Variants in SYTL5 observed in about 807,000 individuals in gnomAD.
SYTL5 encodes the protein synaptotagmin like 5.
In SYTL5, 34 loss-of-function variants were observed where a neutral mutation model predicts 55.9. That is an observed-to-expected ratio of 0.61 (90% CI 0.46 to 0.81). The LOEUF is 0.81. Among genes scored for constraint, SYTL5 ranks in the 30% least tolerant of loss-of-function variants. SYTL5 has a pLI of 0.00. For missense variants in SYTL5, 637 were observed against 546.7 expected (o/e 1.17, Z -1.65); for synonymous variants, 221 against 188.7 (o/e 1.17, Z -1.40).
chrX:38,062,525 T>C (rs1935982772), intron 3 of SYTL5, among the ~76,000 whole-genome samples: 1 of 111,625 alleles, frequency 9.0e-6, no homozygotes, highest in African/African-American at 3.3e-5. Flanking sequence ...GGATGGAACA[T>C]ACACAGAGTG....
At chrX:38,010,534 A>C (rs1235897879) in intron 1 of SYTL5, among the ~76,000 whole-genome samples, 2 of 112,432 alleles carry the variant, frequency 1.8e-5, no homozygotes, top group African/African-American at 6.5e-5. Flanking sequence ...TCTTTTTGTT[A>C]AAGAAGAACA....
chrX:38,026,776 AG>A (rs751615174), intron 1 of SYTL5, among the ~76,000 whole-genome samples: 1 of 111,565 alleles, frequency 9.0e-6, no homozygotes, highest in East Asian at 2.8e-4. Context: ...TCTTCACTGC[AG>A]TTTTATCAAC....
intron 5 of SYTL5, among the ~76,000 whole-genome samples, chrX:38,074,313 A>G (rs979981852): frequency 8.9e-6 from 1 of 112,101 alleles, no homozygotes; most frequent in African/African-American, 3.2e-5. Context: ...GACCAAAAGG[A>G]AACTGCATTT....
chrX:37,920,514 C>T, the SYTL5 span, among the ~76,000 whole-genome samples: 2 of 110,622 alleles, frequency 1.8e-5, no homozygotes, highest in Admixed American at 9.7e-5. Flanking sequence ...TTTTCTGTAC[C>T]CTTTGCCATG....
At chrX:38,041,064 A>C (rs1935271951) in intron 2 of SYTL5, among the ~76,000 whole-genome samples, 1 of 111,526 alleles carries the variant, frequency 9.0e-6, no homozygotes, top group Non-Finnish European at 1.9e-5. Flanking sequence ...GAGACCACAG[A>C]CCCCAGCCTA....
chrX:37,981,249 G>A, the SYTL5 span, among the ~76,000 whole-genome samples: 12 of 112,086 alleles, frequency 1.1e-4, no homozygotes, highest in Non-Finnish European at 2.1e-4. Context: ...TGCTTTGCTG[G>A]AGAGGAGCTT....
the SYTL5 span, among the ~76,000 whole-genome samples, chrX:37,980,598 C>G: frequency 8.9e-6 from 1 of 112,156 alleles, no homozygotes; most frequent in East Asian, 2.8e-4. Context: ...CTATTCTTCT[C>G]CCCTTCAAAC....
the SYTL5 span, among the ~76,000 whole-genome samples, chrX:37,896,208 T>G: frequency 3.6e-5 from 4 of 112,578 alleles, no homozygotes; most frequent in African/African-American, 1.3e-4. Flanking sequence ...AAACTGATTC[T>G]TCTACACAAA....
chrX:38,047,074 T>C (rs1935484970), intron 2 of SYTL5, among the ~76,000 whole-genome samples: 1 of 112,181 alleles, frequency 8.9e-6, no homozygotes, highest in Non-Finnish European at 1.9e-5. Flanking sequence ...CGGGCTGATG[T>C]TGAGTGTCTG....
the SYTL5 span, among the ~76,000 whole-genome samples, chrX:37,940,412 C>T: frequency 9.6e-6 from 1 of 104,247 alleles, no homozygotes; most frequent in Non-Finnish European, 2.0e-5. Flanking sequence ...CCATGGGAGA[C>T]GGAACTTGCA....
At chrX:38,006,229 G>T (rs760812615), upstream of SYTL5, among the ~76,000 whole-genome samples, 4 of 111,767 alleles carry the variant, frequency 3.6e-5, no homozygotes, top group Admixed American at 1.9e-4. Flanking sequence ...TTACAACAGT[G>T]CCTGGCACAT....
At chrX:38,083,297 C>T (rs955046320) in intron 6 of SYTL5, among the ~76,000 whole-genome samples, 1 of 111,546 alleles carries the variant, frequency 9.0e-6, no homozygotes, top group Non-Finnish European at 1.9e-5. Context: ...TTCTTCATAC[C>T]CAGCTGGAGT....
intron 3 of SYTL5, among the ~76,000 whole-genome samples, chrX:38,059,213 A>G (rs1051280734): frequency 9.0e-6 from 1 of 111,710 alleles, no homozygotes; most frequent in Non-Finnish European, 1.9e-5. Flanking sequence ...ATTATTTGGA[A>G]TTATGTTAAA....
chrX:38,005,169 C>T (rs1933959151), upstream of SYTL5, among the ~76,000 whole-genome samples: 1 of 111,613 alleles, frequency 9.0e-6, no homozygotes, highest in South Asian at 3.7e-4. Context: ...TTGGAAAGGA[C>T]CTTAGACTTT....
At chrX:37,950,847 A>C in the SYTL5 span, among the ~76,000 whole-genome samples, 1 of 111,459 alleles carries the variant, frequency 9.0e-6, no homozygotes, top group Non-Finnish European at 1.9e-5. Context: ...ATATGTGTTC[A>C]TTTTAAGGTA....
chrX:37,977,108 A>C, the SYTL5 span, among the ~76,000 whole-genome samples: 1 of 112,108 alleles, frequency 8.9e-6, no homozygotes, highest in Admixed American at 9.5e-5. Flanking sequence ...GATTATATTC[A>C]TAAGAATGTG....
chrX:38,007,860 A>T (rs1934043744), intron 1 of SYTL5, among the ~76,000 whole-genome samples: 1 of 111,458 alleles, frequency 9.0e-6, no homozygotes, highest in African/African-American at 3.3e-5. Context: ...CTGCTCTTTT[A>T]GTTGTTGAAT....
At chrX:37,938,495 C>T in the SYTL5 span, among the ~76,000 whole-genome samples, 1 of 112,282 alleles carries the variant, frequency 8.9e-6, no homozygotes, top group Non-Finnish European at 1.9e-5. Context: ...TGCTTTAAAA[C>T]TTTGGTTTGA....
At chrX:38,073,476 A>G in intron 4 of SYTL5, 114 bp from the exon 5 acceptor site, 1 of 521,640 alleles carries the variant, frequency 1.9e-6, no homozygotes, top group Admixed American at 4.0e-5. Flanking sequence ...ATTGCCAATT[A>G]TTATAGACTT....
Sources: gnomAD v4.1 joint callset for allele counts (sites outside exome capture counted in the v4.1 genomes callset) on GRCh38, gnomAD v4.1.1 for gene constraint, MANE v1.5 for transcripts, NCBI Gene and HGNC (gene_info 2026-07-23, HGNC 2026-07-21) for gene names.